Variants in SHISAL1 observed in about 807,000 individuals in gnomAD.
SHISAL1 encodes protein shisa-like-1.
A neutral mutation model predicts 22.6 loss-of-function variants in SHISAL1; 9 were observed. The observed-to-expected ratio is 0.40, with a 90% CI of 0.24 to 0.70. SHISAL1 has a LOEUF of 0.70. Among genes scored for constraint, SHISAL1 ranks in the 30% least tolerant of loss-of-function variants. SHISAL1 has a pLI of 0.39. For missense variants in SHISAL1, 246 were observed against 270.6 expected, an observed-to-expected ratio of 0.91 and a Z score of 0.64; for synonymous variants, 119 against 115.4, an observed-to-expected ratio of 1.03 and a Z score of -0.20.
chr22:44,253,004 TA>T (rs147571389), intron 4 of SHISAL1, among the ~76,000 whole-genome samples: 1 of 148,806 alleles, frequency 6.7e-6, no homozygotes, highest in African/African-American at 2.5e-5. Context: ...TTAAAAAAAA[TA>T]AAAAAAATAA....
At chr22:44,301,874 C>G (rs114927597) in intron 1 of SHISAL1, among the ~76,000 whole-genome samples, 2,170 of 151,856 alleles carry the variant, frequency 0.014, 54 homozygotes, top group African/African-American at 0.05. Flanking sequence ...GATTTGTCAT[C>G]GGGTCAAAAG....
intron 4 of SHISAL1, among the ~76,000 whole-genome samples, chr22:44,268,013 C>T (rs1226211284): frequency 6.6e-6 from 1 of 152,222 alleles, no homozygotes; most frequent in Non-Finnish European, 1.5e-5. Flanking sequence ...GTGGGGTCAA[C>T]AGGGAGCTGT....
At chr22:44,313,278 C>T (rs1024864546), upstream of SHISAL1, among the ~76,000 whole-genome samples, 1 of 152,262 alleles carries the variant, frequency 6.6e-6, no homozygotes, top group Non-Finnish European at 1.5e-5. Flanking sequence ...TCCCGTGGCC[C>T]TCAGTCTCTG....
chr22:44,317,507 C>A (rs572875921), upstream of SHISAL1, among the ~76,000 whole-genome samples: 1 of 152,330 alleles, frequency 6.6e-6, no homozygotes, highest in African/African-American at 2.4e-5. Flanking sequence ...CAGACAACAG[C>A]CTCCTCCCAC....
intron 3 of SHISAL1, among the ~76,000 whole-genome samples, chr22:44,287,776 G>C (rs1221173599): frequency 6.6e-6 from 1 of 152,132 alleles, no homozygotes; most frequent in Non-Finnish European, 1.5e-5. Flanking sequence ...GTGTCCCCGG[G>C]GTAGATGTCC....
chr22:44,323,160 C>T, the SHISAL1 span, among the ~76,000 whole-genome samples: 2 of 148,800 alleles, frequency 1.3e-5, no homozygotes, highest in Non-Finnish European at 3.0e-5. Flanking sequence ...CCCATTCATC[C>T]ATCCATCCAT....
At chr22:44,306,013 T>G (rs1184426220) in intron 1 of SHISAL1, among the ~76,000 whole-genome samples, 3 of 152,124 alleles carry the variant, frequency 2.0e-5, no homozygotes, top group Non-Finnish European at 4.4e-5. Context: ...TAAGTAAAAA[T>G]TCCATTTCTA....
At chr22:44,267,824 C>T (rs544263200) in intron 4 of SHISAL1, among the ~76,000 whole-genome samples, 14 of 152,366 alleles carry the variant, frequency 9.2e-5, no homozygotes, top group African/African-American at 2.6e-4. Flanking sequence ...CTTCCAACTC[C>T]GACAGACTCA....
upstream of SHISAL1, among the ~76,000 whole-genome samples, chr22:44,313,734 C>G (rs1008626774): frequency 1.3e-5 from 2 of 152,210 alleles, no homozygotes; most frequent in African/African-American, 4.8e-5. Flanking sequence ...GGTACCTTGG[C>G]GGCGCCCTTG....
At chr22:44,281,235 G>T (rs1225585739) in intron 4 of SHISAL1, among the ~76,000 whole-genome samples, 1 of 152,156 alleles carries the variant, frequency 6.6e-6, no homozygotes, top group Admixed American at 6.6e-5. Flanking sequence ...CCTTACACGG[G>T]ATTTGCTGAG....
At chr22:44,319,355 C>T in the SHISAL1 span, among the ~76,000 whole-genome samples, 306 of 152,348 alleles carry the variant, frequency 2.0e-3, 1 homozygote, top group African/African-American at 6.6e-3. Context: ...GACTTGGACC[C>T]GAGCTGGTTG....
chr22:44,268,260 G>T (rs1041002521), intron 4 of SHISAL1, among the ~76,000 whole-genome samples: 1 of 152,088 alleles, frequency 6.6e-6, no homozygotes, highest in Admixed American at 6.5e-5. Context: ...CCTTTTCATC[G>T]ACAGCCTCTG....
chr22:44,249,706 A>G (rs2055033489), intron 4 of SHISAL1, 21 bp from the exon 5 acceptor site: 1 of 778,818 alleles, frequency 1.3e-6, no homozygotes, highest in African/African-American at 1.7e-5. Context: ...TACAAGGAAA[A>G]AAAGTATCAC....
At chr22:44,296,501 G>T (rs1416637642) in intron 3 of SHISAL1, among the ~76,000 whole-genome samples, 171 bp downstream of exon 3, 2 of 152,174 alleles carry the variant, frequency 1.3e-5, no homozygotes, top group African/African-American at 4.8e-5. Flanking sequence ...AACTTAGAAG[G>T]CACAATGGGC....
At chr22:44,315,148 T>C (rs549383014), upstream of SHISAL1, among the ~76,000 whole-genome samples, 93 of 152,116 alleles carry the variant, frequency 6.1e-4, 2 homozygotes, top group African/African-American at 2.1e-3. Context: ...AATAAAGAAG[T>C]CTTGGCAAGG....
chr22:44,313,759 G>A (rs1184763967), upstream of SHISAL1, among the ~76,000 whole-genome samples: 1 of 152,200 alleles, frequency 6.6e-6, no homozygotes, highest in Admixed American at 6.5e-5. Flanking sequence ...GCTTCTGGGT[G>A]GCATTTAAAC....
At chr22:44,286,826 C>T (rs139023296) in intron 3 of SHISAL1, among the ~76,000 whole-genome samples, 3 of 152,204 alleles carry the variant, frequency 2.0e-5, no homozygotes, top group Admixed American at 6.5e-5. Context: ...CCTAACAGTG[C>T]GTGCCAGGGG....
At chr22:44,278,602 GA>G (rs35330626) in intron 4 of SHISAL1, among the ~76,000 whole-genome samples, 5,857 of 152,272 alleles carry the variant, frequency 0.038, 208 homozygotes, top group African/African-American at 0.091. Flanking sequence ...GGCTCCGGGT[GA>G]ACGGGCCTCT....
At chr22:44,280,286 G>A (rs1421960417) in intron 4 of SHISAL1, among the ~76,000 whole-genome samples, 1 of 152,172 alleles carries the variant, frequency 6.6e-6, no homozygotes, top group African/African-American at 2.4e-5. Context: ...TGAGGCCCAG[G>A]TGGCAGTCGG....
Sources: gnomAD v4.1 joint callset for allele counts (sites outside exome capture counted in the v4.1 genomes callset) on GRCh38, gnomAD v4.1.1 for gene constraint, MANE v1.5 for transcripts, NCBI Gene and HGNC (gene_info 2026-07-23, HGNC 2026-07-21) for gene names.